Variants in LRMDA observed in about 807,000 individuals in gnomAD.
LRMDA encodes leucine-rich melanocyte differentiation-associated protein.
Under a neutral mutation model 29.8 loss-of-function variants are expected in LRMDA, and 18 were observed. The ratio of observed to expected loss-of-function variants is 0.60; its 90% CI spans 0.42 to 0.90. The LOEUF (loss-of-function observed/expected upper bound fraction) is 0.90, where lower values mean the gene tolerates loss of function less well. Ranked by LOEUF, LRMDA falls within the 40% of genes least tolerant of loss-of-function variation. The pLI, the probability that LRMDA is intolerant of heterozygous loss-of-function variation, is 0.00. For synonymous variants in LRMDA, 125 were observed against 109.4 expected (o/e 1.14, Z -0.89); for missense variants, 273 against 273.9 (o/e 1.00, Z 0.02).
chr10:76,234,535 A>G (rs1399186843), intron 5 of LRMDA, among the ~76,000 whole-genome samples: 1 of 152,222 alleles, frequency 6.6e-6, no homozygotes, highest in Non-Finnish European at 1.5e-5. Context: ...CTCTCTAGCT[A>G]TAAAAGCCCC....
At chr10:75,470,866 C>T (rs763024775) in intron 2 of LRMDA, among the ~76,000 whole-genome samples, 5 of 152,194 alleles carry the variant, frequency 3.3e-5, no homozygotes, top group Non-Finnish European at 7.4e-5. Context: ...CTTAGGCCAG[C>T]CCTGCCCTGC....
At chr10:75,444,925 C>T (rs997613080) in intron 2 of LRMDA, among the ~76,000 whole-genome samples, 17 of 152,206 alleles carry the variant, frequency 1.1e-4, no homozygotes, top group African/African-American at 3.6e-4. Context: ...TACTTTACTG[C>T]GTTACAATGT....
intron 2 of LRMDA, among the ~76,000 whole-genome samples, chr10:75,605,665 C>T (rs1840947418): frequency 6.6e-6 from 1 of 152,186 alleles, no homozygotes; most frequent in Non-Finnish European, 1.5e-5. Flanking sequence ...AAATAATTAT[C>T]AGTATTTCAA....
chr10:75,755,045 T>G (rs1843014572), intron 2 of LRMDA, among the ~76,000 whole-genome samples: 1 of 152,072 alleles, frequency 6.6e-6, no homozygotes, highest in African/African-American at 2.4e-5. Flanking sequence ...TTTTTTGGTT[T>G]TTTTTTTTGT....
chr10:75,710,884 T>C (rs953572301), intron 2 of LRMDA, among the ~76,000 whole-genome samples: 1 of 152,268 alleles, frequency 6.6e-6, no homozygotes, highest in Non-Finnish European at 1.5e-5. Context: ...CTGTGATTGA[T>C]TTCTGAACAG....
At position 75,728,891 on chromosome 10, in the gene LRMDA, G is replaced by A. The variant is rs190060728; in HGVS notation, c.131+290397G>A. Among the ~76,000 whole-genome samples the A allele has an allele frequency of 5.1e-4, 77 of 152,206 alleles. 1 individual carries two copies. Among genetic ancestry groups the A allele is most frequent in the Admixed American group, 2.9e-3 (44 of 15,282 alleles). ...CAAGAGTGGTGGTCTCCCCCTGCCC[G>A]TGGCACAGTAGCCATGCTGAGCCCC... On this transcript the variant is annotated intron_variant, in intron 2 of 6. Coordinates refer to ENST00000611255, the MANE Select transcript of LRMDA (RefSeq NM_001305581.2).
At chr10:75,973,815 A>G (rs1224064384) in intron 2 of LRMDA, among the ~76,000 whole-genome samples, 1 of 152,094 alleles carries the variant, frequency 6.6e-6, no homozygotes, top group African/African-American at 2.4e-5. Flanking sequence ...GGTCAGAAGT[A>G]CCCCAGGAGG....
At chr10:75,859,727 A>T (rs946290846) in intron 2 of LRMDA, among the ~76,000 whole-genome samples, 10 of 151,792 alleles carry the variant, frequency 6.6e-5, no homozygotes, top group African/African-American at 9.7e-5. Flanking sequence ...TACCCTTTTT[A>T]TATATAGGTT....
intron 2 of LRMDA, among the ~76,000 whole-genome samples, chr10:75,761,698 G>A (rs964471497): frequency 4.0e-5 from 6 of 151,644 alleles, no homozygotes; most frequent in South Asian, 4.2e-4. Flanking sequence ...TTTATGGTAC[G>A]TATGTTTTAC....
chr10:75,558,354 T>C (rs1840242778), intron 2 of LRMDA, among the ~76,000 whole-genome samples: 1 of 152,038 alleles, frequency 6.6e-6, no homozygotes, highest in African/African-American at 2.4e-5. Context: ...ACTGTATGTG[T>C]TTCAATAAAA....
At chr10:75,468,429 G>A (rs902004669) in intron 2 of LRMDA, among the ~76,000 whole-genome samples, 1 of 152,100 alleles carries the variant, frequency 6.6e-6, no homozygotes, top group African/African-American at 2.4e-5. Context: ...TCTAATCACA[G>A]AGATCTTTCT....
intron 2 of LRMDA, among the ~76,000 whole-genome samples, chr10:75,903,145 C>A (rs190608668): frequency 2.2e-4 from 34 of 152,204 alleles, no homozygotes; most frequent in African/African-American, 7.2e-4. Flanking sequence ...ATATTAAAAT[C>A]CCTCTCTCTA....
intron 5 of LRMDA, among the ~76,000 whole-genome samples, chr10:76,145,491 G>A (rs570689849): frequency 6.6e-6 from 1 of 152,268 alleles, no homozygotes; most frequent in South Asian, 2.1e-4. Flanking sequence ...GGTGTTTATA[G>A]TATTCTCTGA....
intron 2 of LRMDA, among the ~76,000 whole-genome samples, chr10:75,927,459 C>T (rs1289805524): frequency 6.6e-6 from 1 of 152,196 alleles, no homozygotes; most frequent in East Asian, 1.9e-4. Flanking sequence ...CTCTTCTCCT[C>T]ACTTCTTCCT....
intron 6 of LRMDA, among the ~76,000 whole-genome samples, chr10:76,485,764 C>T (rs1408690955): frequency 6.6e-6 from 1 of 151,818 alleles, no homozygotes; most frequent in African/African-American, 2.4e-5. Flanking sequence ...GATAACTCCA[C>T]TGAAATATAG....
At chr10:75,738,863 C>T (rs568947297) in intron 2 of LRMDA, among the ~76,000 whole-genome samples, 1 of 152,148 alleles carries the variant, frequency 6.6e-6, no homozygotes, top group African/African-American at 2.4e-5. Flanking sequence ...GCTGGTCTGC[C>T]GAGAGTCTGT....
In LRMDA at chr10:76,240,729, T is replaced by C. The variant is rs551373603; in HGVS notation, c.517-83672T>C. Among the ~76,000 whole-genome samples, 316 of 150,482 alleles carry C rather than the reference T, an allele frequency of 2.1e-3. 2 individuals are homozygous for C. Among genetic ancestry groups the C allele is most frequent in the African/African-American group, 7.0e-3 (287 of 41,092 alleles). On this transcript the variant is annotated intron_variant, in intron 5 of 6. Coordinates refer to ENST00000611255, the MANE Select transcript of LRMDA (RefSeq NM_001305581.2). ...TTGCATAATATGGAACCAGCCCAAA[T>C]GCCCATTAATCAATGAGTGGATAAA...
chr10:76,012,160 A>G (rs1314132696), intron 2 of LRMDA, among the ~76,000 whole-genome samples: 1 of 152,228 alleles, frequency 6.6e-6, no homozygotes, highest in African/African-American at 2.4e-5. Context: ...CCTGCTGTCA[A>G]CATTGGGCTT....
intron 2 of LRMDA, among the ~76,000 whole-genome samples, chr10:76,022,088 G>C (rs1847983625): frequency 6.6e-6 from 1 of 152,142 alleles, no homozygotes; most frequent in South Asian, 2.1e-4. Context: ...TAAGATATTT[G>C]GATATTAGAA....
Sources: allele counts gnomAD v4.1 joint callset (sites outside exome capture counted in the v4.1 genomes callset), GRCh38; gene constraint gnomAD v4.1.1; transcripts MANE v1.5; gene names NCBI Gene and HGNC (gene_info 2026-07-23, HGNC 2026-07-21).